UBA5: variants seen among roughly 807,000 people sequenced by gnomAD.
UBA5 encodes ubiquitin like modifier activating enzyme 5.
Under a neutral mutation model 52.9 loss-of-function variants are expected in UBA5, and 28 were observed. The ratio of observed to expected loss-of-function variants is 0.53; its 90% CI spans 0.39 to 0.73. The LOEUF is 0.73. Ranked by LOEUF, UBA5 falls within the 30% of genes least tolerant of loss-of-function variation. The pLI, the probability that UBA5 is intolerant of heterozygous loss-of-function variation, is 0.00. For synonymous variants in UBA5, 135 were observed against 162.1 expected (o/e 0.83, Z 1.27); for missense variants, 388 against 492.7 (o/e 0.79, Z 2.01).
chr3:132,673,014 C>A (rs1049294360), intron 8 of UBA5, among the ~76,000 whole-genome samples: 4 of 152,148 alleles, frequency 2.6e-5, no homozygotes, highest in Non-Finnish European at 5.9e-5. Context: ...CAACAAGACA[C>A]AAGGAGGTAC....
At chr3:132,665,799 A>C (rs757746106) in intron 1 of UBA5, 24 bp from the exon 2 acceptor site, 2 of 1,610,678 alleles carry the variant, frequency 1.2e-6, no homozygotes, top group Non-Finnish European at 1.7e-6. Flanking sequence ...GTAAGCTTTA[A>C]AACATATTTT....
upstream of UBA5, among the ~76,000 whole-genome samples, chr3:132,657,136 G>A (rs1366521686): frequency 2.6e-5 from 4 of 152,126 alleles, no homozygotes; most frequent in East Asian, 7.7e-4. Flanking sequence ...TTAACATTCA[G>A]TTCTTTTATC....
intron 3 of UBA5, among the ~76,000 whole-genome samples, chr3:132,666,641 C>G (rs1296082269): frequency 6.6e-6 from 1 of 152,040 alleles, no homozygotes; most frequent in East Asian, 1.9e-4. Context: ...AATAAGCTTT[C>G]CACAATTATA....
intron 7 of UBA5, 70 bp downstream of exon 7, chr3:132,671,951 A>T: frequency 6.3e-7 from 1 of 1,597,848 alleles, no homozygotes; most frequent in South Asian, 1.1e-5. Flanking sequence ...TTGAAAATGT[A>T]TTACAATTCA....
intron 8 of UBA5, 51 bp from the exon 9 acceptor site, chr3:132,675,197 T>A: frequency 7.3e-7 from 1 of 1,373,024 alleles, no homozygotes; most frequent in East Asian, 2.4e-5. Flanking sequence ...GGTGTTCTAG[T>A]ATTTTTCATG....
chr3:132,673,335 T>C (rs1938686112), intron 8 of UBA5, among the ~76,000 whole-genome samples: 1 of 152,076 alleles, frequency 6.6e-6, no homozygotes, highest in African/African-American at 2.4e-5. Flanking sequence ...CTTTGAATAC[T>C]AGATTGATCA....
In UBA5 at chr3:132,675,866, A is replaced by G. The variant is rs965107077; in HGVS notation, c.1074A>G (p.Ser358=). 4 of 1,611,692 alleles carry G rather than the reference A, an allele frequency of 2.5e-6. No individual in the cohort carries two copies. The Admixed American group carries it at 6.7e-5, about 27-fold the overall frequency. Residue 358 remains serine (S), a synonymous_variant, in exon 11 of 12, where the codon TCA becomes TCG. Transcript: ENST00000356232. ...CAGAAGAGGAACTGAAAAATTTTTC[A>G]GGTCCAGTTCCAGACTTACCTGAAG... ...EVSEEELKNF[S]GPVPDLPEGI...
Position 132,660,795 on chromosome 3 carries a change from G to T in UBA5, c.161+97G>T. 2 of 1,446,266 alleles carry T rather than the reference G, an allele frequency of 1.4e-6. No individual in the cohort carries two copies. The highest frequency in any genetic ancestry group is 9.1e-7 in the Non-Finnish European group (1 of 1,096,334). The allele number at this position is 1,446,266 out of a possible 1,614,324, so 89.6% of individuals were successfully genotyped here. A position where few individuals can be genotyped will look rare whatever the true frequency, so the allele number is the denominator to read the frequency against. On this transcript the variant is annotated intron_variant, in intron 1 of 11. Coordinates refer to ENST00000356232, the MANE Select transcript of UBA5 (RefSeq NM_024818.6). The surrounding 1 kb of genome is among the most constrained non-coding windows in gnomAD (Gnocchi z 4.1). ...CTTCCCACGTCCCGCTCATGGGGAC[G>T]CCCGCCACCCTTTTCTTGGTCTGCG...
intron 1 of UBA5, among the ~76,000 whole-genome samples, chr3:132,663,232 T>TA (rs1196775264): frequency 2.6e-5 from 4 of 151,842 alleles, no homozygotes; most frequent in Non-Finnish European, 5.9e-5. Flanking sequence ...CAGGTAGGGC[T>TA]AAAAAAAACT....
intron 1 of UBA5, among the ~76,000 whole-genome samples, chr3:132,665,402 C>A (rs1938335003): frequency 6.6e-6 from 1 of 152,048 alleles, no homozygotes; most frequent in Non-Finnish European, 1.5e-5. Context: ...AAGTATACAT[C>A]ATCTATTGTG....
intron 3 of UBA5, chr3:132,668,118 C>G (rs1323011233): frequency 1.3e-5 from 2 of 151,300 alleles, no homozygotes; most frequent in African/African-American, 4.9e-5. Flanking sequence ...TGGCTCTAGC[C>G]TGTTCTTACT....
At chr3:132,668,107 T>G (rs913695822) in intron 3 of UBA5, 3 of 152,204 alleles carry the variant, frequency 2.0e-5, no homozygotes, top group African/African-American at 7.2e-5. Flanking sequence ...CAGGAAGTCC[T>G]TGGCTCTAGC....
upstream of UBA5, among the ~76,000 whole-genome samples, chr3:132,656,344 A>G (rs1383345355): frequency 9.2e-5 from 14 of 152,170 alleles, no homozygotes; most frequent in East Asian, 2.7e-3. Flanking sequence ...GTATGTATCT[A>G]TGAGTAGAAC....
intron 8 of UBA5, among the ~76,000 whole-genome samples, chr3:132,674,549 A>G (rs1402553131): frequency 6.6e-6 from 1 of 152,108 alleles, no homozygotes; most frequent in East Asian, 1.9e-4. Context: ...AAAATTAGCC[A>G]AGCGTGGTGG....
chr3:132,671,604 TTAAA>T (rs1400944009), intron 6 of UBA5, among the ~76,000 whole-genome samples, 169 bp from the exon 7 acceptor site: 20 of 152,350 alleles, frequency 1.3e-4, no homozygotes, highest in African/African-American at 4.1e-4. Context: ...ACTCTACTCT[TTAAA>T]TAGAGTATGG....
At chr3:132,662,218 G>A (rs1471343642) in intron 1 of UBA5, among the ~76,000 whole-genome samples, 3 of 152,146 alleles carry the variant, frequency 2.0e-5, no homozygotes, top group Admixed American at 2.0e-4. Context: ...TACAGGAGAT[G>A]GCAGTTTGAT....
At chr3:132,661,090 A>C (rs1271038171) in intron 1 of UBA5, 2 of 1,293,392 alleles carry the variant, frequency 1.5e-6, no homozygotes, top group Admixed American at 2.3e-5. Flanking sequence ...ATGCATCTTA[A>C]ATGGGGTCGG....
intron 5 of UBA5, chr3:132,670,599 C>T (rs1249466426): frequency 4.4e-6 from 1 of 225,406 alleles, no homozygotes; most frequent in East Asian, 1.1e-4. Context: ...CAGAGACTGT[C>T]AGACCACCAC....
At chr3:132,671,922 A>G (rs760154860) in intron 7 of UBA5, 41 bp downstream of exon 7, 2 of 1,603,784 alleles carry the variant, frequency 1.2e-6, no homozygotes, top group Non-Finnish European at 1.7e-6. Flanking sequence ...ACTGTTAGAT[A>G]CTTGAGTTCT....
Sources: allele counts gnomAD v4.1 joint callset (sites outside exome capture counted in the v4.1 genomes callset), GRCh38; gene constraint gnomAD v4.1.1; non-coding constraint Gnocchi (gnomAD v3.1); transcripts MANE v1.5; gene names NCBI Gene and HGNC (gene_info 2026-07-23, HGNC 2026-07-21).